LMNTD1: variants seen among roughly 807,000 people sequenced by gnomAD.
LMNTD1 encodes the protein lamin tail domain containing 1, also known as lamin tail domain-containing protein 1.
A neutral mutation model predicts 50.9 loss-of-function variants in LMNTD1; 35 were observed. That is an observed-to-expected ratio of 0.69 (90% confidence interval 0.53 to 0.91). The LOEUF is 0.91. LMNTD1 is among the 40% of genes least tolerant of loss of function. The pLI, the probability that LMNTD1 is intolerant of heterozygous loss-of-function variation, is 0.00. For missense variants in LMNTD1, 470 were observed against 475.5 expected (o/e 0.99, Z 0.11); for synonymous variants, 153 against 161.9 (o/e 0.94, Z 0.42).
At chr12:25,573,298 G>A (rs977097187) in intron 1 of LMNTD1, among the ~76,000 whole-genome samples, 1 of 151,970 alleles carries the variant, frequency 6.6e-6, no homozygotes, top group Non-Finnish European at 1.5e-5. Flanking sequence ...CCTACTACAA[G>A]TTCCAGATTT....
intron 9 of LMNTD1, among the ~76,000 whole-genome samples, chr12:25,482,341 TA>T (rs1938472530): frequency 6.6e-6 from 1 of 152,120 alleles, no homozygotes; most frequent in South Asian, 2.1e-4. Context: ...CCAGTAACTA[TA>T]TTTTTTTATA....
chr12:25,495,830 C>G (rs1939044110), intron 9 of LMNTD1, among the ~76,000 whole-genome samples: 1 of 152,130 alleles, frequency 6.6e-6, no homozygotes. Flanking sequence ...TACCACAAAT[C>G]CCAGTGCTGA....
At chr12:25,562,216 G>T (rs942631947) in intron 1 of LMNTD1, among the ~76,000 whole-genome samples, 4 of 152,188 alleles carry the variant, frequency 2.6e-5, no homozygotes, top group Admixed American at 6.5e-5. Context: ...TATTGATGTA[G>T]TTTCTTCCTA....
At chr12:25,528,254 G>C (rs773382187) in intron 4 of LMNTD1, among the ~76,000 whole-genome samples, 3 of 152,128 alleles carry the variant, frequency 2.0e-5, no homozygotes, top group Non-Finnish European at 4.4e-5. Context: ...ACTCAGACAG[G>C]TAGTATTTTA....
intron 1 of LMNTD1, among the ~76,000 whole-genome samples, chr12:25,560,613 G>T (rs1047046509): frequency 6.6e-6 from 1 of 152,100 alleles, no homozygotes; most frequent in Non-Finnish European, 1.5e-5. Context: ...GGATGGCATT[G>T]AATCTATAAA....
chr12:25,565,688 G>A (rs1427571173), intron 1 of LMNTD1, among the ~76,000 whole-genome samples: 2 of 152,080 alleles, frequency 1.3e-5, no homozygotes, highest in Non-Finnish European at 2.9e-5. Context: ...AGTGAATTTT[G>A]TATCTTCAGA....
intron 1 of LMNTD1, among the ~76,000 whole-genome samples, chr12:25,634,380 C>A (rs375019857): frequency 6.6e-6 from 1 of 151,860 alleles, no homozygotes; most frequent in South Asian, 2.1e-4. Flanking sequence ...AGGACATAAC[C>A]AAAAAAGAAA....
chr12:25,603,442 C>T (rs536037859), intron 1 of LMNTD1, among the ~76,000 whole-genome samples: 1 of 152,090 alleles, frequency 6.6e-6, no homozygotes, highest in East Asian at 1.9e-4. Flanking sequence ...ACCAATTTGA[C>T]ATTGGTATAT....
intron 8 of LMNTD1, among the ~76,000 whole-genome samples, chr12:25,506,864 A>G (rs1939825542): frequency 6.6e-6 from 1 of 151,900 alleles, no homozygotes; most frequent in Non-Finnish European, 1.5e-5. Context: ...TATTTGCCAA[A>G]TTTGCATTAT....
chr12:25,505,829 T>C lies in LMNTD1; in HGVS notation c.1190-2029A>G, dbSNP rs181147406. On this transcript the variant is annotated intron_variant, in intron 8 of 9. Transcript: ENST00000458174. ...TTTTTATACATTAACTCATATAATT[T>C]CTAGTTATGTCATTGACTAATTTAG... Among the ~76,000 whole-genome samples the C allele has an allele frequency of 3.4e-3, 519 of 152,276 alleles. 5 individuals are homozygous for C. Among genetic ancestry groups the C allele is most frequent in the African/African-American group, 0.011 (467 of 41,574 alleles).
chr12:25,520,170 A>G (rs4426208), intron 6 of LMNTD1, 95 bp from the exon 7 acceptor site: 4,904 of 221,022 alleles, frequency 0.022, 396 homozygotes, highest in African/African-American at 0.11. Flanking sequence ...ATATATATAT[A>G]TATATAGTAA....
chr12:25,632,956 T>C (rs1946752623), intron 1 of LMNTD1, among the ~76,000 whole-genome samples: 1 of 148,888 alleles, frequency 6.7e-6, no homozygotes, highest in Non-Finnish European at 1.5e-5. Context: ...CACATAAACT[T>C]AAAGTAAAAG....
chr12:25,590,554 T>C (rs954474796), intron 1 of LMNTD1, among the ~76,000 whole-genome samples: 2 of 152,196 alleles, frequency 1.3e-5, no homozygotes, highest in African/African-American at 4.8e-5. Context: ...TGTGACCTAC[T>C]GAGAAACCAG....
chr12:25,502,447 T>C (rs1939445951), intron 9 of LMNTD1, among the ~76,000 whole-genome samples: 1 of 152,194 alleles, frequency 6.6e-6, no homozygotes, highest in Non-Finnish European at 1.5e-5. Context: ...TAGACATAAC[T>C]CAGGATCTCC....
chr12:25,485,141 T>C (rs1938580863), intron 9 of LMNTD1, among the ~76,000 whole-genome samples: 1 of 146,984 alleles, frequency 6.8e-6, no homozygotes, highest in African/African-American at 2.5e-5. Context: ...AGTGTTCCTG[T>C]TTCTCCACAT....
At chr12:25,547,285 T>C in intron 3 of LMNTD1, 1 of 483,064 alleles carries the variant, frequency 2.1e-6, no homozygotes, top group Non-Finnish European at 2.7e-6. Context: ...TAGACAGACT[T>C]GTAATTATAT....
intron 1 of LMNTD1, among the ~76,000 whole-genome samples, chr12:25,643,962 T>A (rs542254130): frequency 6.6e-6 from 1 of 152,108 alleles, no homozygotes; most frequent in Admixed American, 6.5e-5. Context: ...TGAGATCAGA[T>A]AAAGTAAAAG....
intron 6 of LMNTD1, among the ~76,000 whole-genome samples, chr12:25,522,987 C>G (rs796423027): frequency 2.0e-5 from 3 of 152,100 alleles, no homozygotes; most frequent in Non-Finnish European, 4.4e-5. Flanking sequence ...AAAAAGTAGT[C>G]TAAGACATAC....
intron 1 of LMNTD1, among the ~76,000 whole-genome samples, chr12:25,629,092 T>C (rs1946658093): frequency 6.6e-6 from 1 of 152,196 alleles, no homozygotes; most frequent in Non-Finnish European, 1.5e-5. Flanking sequence ...TGTAGAAATG[T>C]TTATTAAAGA....
Sources: allele counts gnomAD v4.1 joint callset (sites outside exome capture counted in the v4.1 genomes callset), GRCh38; gene constraint gnomAD v4.1.1; transcripts MANE v1.5; gene names NCBI Gene and HGNC (gene_info 2026-07-23, HGNC 2026-07-21).